The following LYPLAL1 variants were observed in gnomAD, a reference collection of about 807,000 sequenced individuals.
The protein encoded by LYPLAL1 is lysophospholipase like 1.
LYPLAL1 carries 23 observed loss-of-function variants against 19.7 expected under a neutral mutation model. The observed-to-expected ratio is 1.17, with a 90% CI of 0.84 to 1.65. LYPLAL1 has a LOEUF of 1.65. LYPLAL1 is among the 40% of genes most tolerant of loss of function. LYPLAL1 has a pLI of 0.00. For missense variants in LYPLAL1, 355 were observed against 279.4 expected (o/e 1.27, Z -1.93); for synonymous variants, 119 against 96.3 (o/e 1.24, Z -1.38).
the LYPLAL1 span, among the ~76,000 whole-genome samples, chr1:219,338,363 C>T: frequency 2.0e-5 from 3 of 151,906 alleles, no homozygotes; most frequent in Admixed American, 1.3e-4. Flanking sequence ...ATTTGTGACC[C>T]TGCATGAAAC....
chr1:219,376,932 A>G, the LYPLAL1 span, among the ~76,000 whole-genome samples: 1 of 152,184 alleles, frequency 6.6e-6, no homozygotes, highest in African/African-American at 2.4e-5. Context: ...TGGTTCCTCA[A>G]AAAATTAAAC....
chr1:219,190,044 C>G (rs886270118), intron 2 of LYPLAL1, among the ~76,000 whole-genome samples: 6 of 151,408 alleles, frequency 4.0e-5, no homozygotes, highest in African/African-American at 1.5e-4. Flanking sequence ...TTAATAGATA[C>G]TAAATAGAAA....
chr1:219,327,090 C>A, the LYPLAL1 span, among the ~76,000 whole-genome samples: 7 of 152,180 alleles, frequency 4.6e-5, no homozygotes, highest in Non-Finnish European at 8.8e-5. Context: ...GAGCTAGACC[C>A]CGTCTCAAAA....
At chr1:219,422,081 C>T in the LYPLAL1 span, among the ~76,000 whole-genome samples, 483 of 152,272 alleles carry the variant, frequency 3.2e-3, 3 homozygotes, top group Non-Finnish European at 2.5e-3. Flanking sequence ...ACACCACATA[C>T]CATTTTTTCC....
At chr1:219,267,356 A>G in the LYPLAL1 span, among the ~76,000 whole-genome samples, 35 of 152,302 alleles carry the variant, frequency 2.3e-4, no homozygotes, top group African/African-American at 7.5e-4. Context: ...GCCAAAGTCA[A>G]TAACAACAAC....
chr1:219,274,045 C>G, the LYPLAL1 span, among the ~76,000 whole-genome samples: 8 of 152,296 alleles, frequency 5.3e-5, no homozygotes, highest in Non-Finnish European at 7.4e-5. Context: ...CAGGCGTGAA[C>G]CACCACGCCT....
At chr1:219,177,140 C>A (rs1011851874) in intron 1 of LYPLAL1, among the ~76,000 whole-genome samples, 2 of 152,032 alleles carry the variant, frequency 1.3e-5, no homozygotes, top group Non-Finnish European at 2.9e-5. Context: ...GCTTTAAAGC[C>A]AAGTCGGAGG....
chr1:219,274,776 C>G, the LYPLAL1 span, among the ~76,000 whole-genome samples: 1 of 152,150 alleles, frequency 6.6e-6, no homozygotes, highest in African/African-American at 2.4e-5. Flanking sequence ...GATTCAGTCT[C>G]TGAAAGCAGT....
the LYPLAL1 span, among the ~76,000 whole-genome samples, chr1:219,444,194 G>A: frequency 6.6e-6 from 1 of 152,146 alleles, no homozygotes; most frequent in Non-Finnish European, 1.5e-5. Flanking sequence ...GTTCCCTTAG[G>A]TATAATGAAT....
At chr1:219,347,314 GA>G in the LYPLAL1 span, among the ~76,000 whole-genome samples, 8 of 98 alleles carry the variant, frequency 0.082, no homozygotes, top group Admixed American at 0.36. Context: ...TCTGAATGTT[GA>G]TCAGTGTTCT....
chr1:219,290,903 G>A, the LYPLAL1 span, among the ~76,000 whole-genome samples: 1 of 152,166 alleles, frequency 6.6e-6, no homozygotes. Context: ...TCACAGACCA[G>A]CCTGGTGTAG....
the LYPLAL1 span, among the ~76,000 whole-genome samples, chr1:219,263,545 A>G: frequency 2.0e-4 from 30 of 152,234 alleles, no homozygotes; most frequent in East Asian, 3.7e-3. Flanking sequence ...GCTCAAGAAA[A>G]TTCATGCTTG....
the LYPLAL1 span, among the ~76,000 whole-genome samples, chr1:219,238,663 C>T: frequency 6.6e-6 from 1 of 152,096 alleles, no homozygotes; most frequent in Admixed American, 6.5e-5. Flanking sequence ...TGTACATACT[C>T]TCTGCTCTAC....
chr1:219,234,290 C>T, the LYPLAL1 span, among the ~76,000 whole-genome samples: 3 of 152,080 alleles, frequency 2.0e-5, no homozygotes, highest in African/African-American at 7.2e-5. Flanking sequence ...AAATCATTTT[C>T]AGCTTTGCAA....
the LYPLAL1 span, among the ~76,000 whole-genome samples, chr1:219,410,666 G>A: frequency 2.0e-5 from 3 of 152,240 alleles, no homozygotes; most frequent in Non-Finnish European, 4.4e-5. Context: ...GGCAAGAGCG[G>A]GAACCGGGGC....
intron 2 of LYPLAL1, among the ~76,000 whole-genome samples, chr1:219,185,506 G>A (rs1032778381): frequency 6.6e-6 from 1 of 151,686 alleles, no homozygotes; most frequent in African/African-American, 2.4e-5. Context: ...ATGTTGAAAT[G>A]TTTTCAAATC....
At chr1:219,259,250 A>G in the LYPLAL1 span, among the ~76,000 whole-genome samples, 3 of 152,118 alleles carry the variant, frequency 2.0e-5, no homozygotes, top group African/African-American at 7.2e-5. Flanking sequence ...TGATACAGCA[A>G]TCCTACTGAG....
chr1:219,186,367 T>C (rs1351355295), intron 2 of LYPLAL1, among the ~76,000 whole-genome samples: 3 of 151,914 alleles, frequency 2.0e-5, no homozygotes, highest in African/African-American at 7.2e-5. Context: ...CTGTATATGC[T>C]TAGTGATTAT....
At chr1:219,351,991 A>C in the LYPLAL1 span, among the ~76,000 whole-genome samples, 1 of 152,342 alleles carries the variant, frequency 6.6e-6, no homozygotes, top group South Asian at 2.1e-4. Context: ...TAGGCACAGC[A>C]TGTTAGATTT....
Sources: gnomAD v4.1 joint callset for allele counts (sites outside exome capture counted in the v4.1 genomes callset) on GRCh38, gnomAD v4.1.1 for gene constraint, MANE v1.5 for transcripts, NCBI Gene and HGNC (gene_info 2026-07-23, HGNC 2026-07-21) for gene names.